The following NALCN variants were observed in gnomAD, a reference collection of about 807,000 sequenced individuals.
The protein encoded by NALCN is sodium leak channel NALCN.
NALCN carries 111 observed loss-of-function variants against 225.3 expected under a neutral mutation model. The ratio of observed to expected loss-of-function variants is 0.49; its 90% CI spans 0.42 to 0.58. The LOEUF (loss-of-function observed/expected upper bound fraction) is 0.58, where lower values mean the gene tolerates loss of function less well. Among genes scored for constraint, NALCN ranks in the 20% least tolerant of loss-of-function variants. NALCN has a pLI of 0.00. For missense variants in NALCN, 1,378 were observed against 2,202.4 expected (o/e 0.63, Z 7.49); for synonymous variants, 764 against 769.0 (o/e 0.99, Z 0.11).
chr13:101,263,848 A>C (rs917227177), intron 10 of NALCN, among the ~76,000 whole-genome samples: 10 of 152,222 alleles, frequency 6.6e-5, no homozygotes, highest in Admixed American at 6.5e-4. Flanking sequence ...CAGTAACTCC[A>C]GCTTTAAAGT....
intron 6 of NALCN, among the ~76,000 whole-genome samples, chr13:101,358,549 A>G (rs1311395406): frequency 6.6e-6 from 1 of 152,144 alleles, no homozygotes; most frequent in African/African-American, 2.4e-5. Context: ...GAAACAATAA[A>G]TGCTGGCGAG....
intron 17 of NALCN, among the ~76,000 whole-genome samples, chr13:101,140,878 C>T (rs1449646018): frequency 4.6e-5 from 7 of 152,098 alleles, no homozygotes; most frequent in South Asian, 4.2e-4. Context: ...GCACTATGGC[C>T]GTGCCTGTGA....
chr13:101,072,231 A>G (rs1034344155), intron 37 of NALCN, among the ~76,000 whole-genome samples: 1 of 152,258 alleles, frequency 6.6e-6, no homozygotes, highest in Non-Finnish European at 1.5e-5. Context: ...TGGCCCTGAT[A>G]GACCTGCTCC....
chr13:101,320,993 G>A (rs2044727425), intron 7 of NALCN, among the ~76,000 whole-genome samples: 1 of 152,070 alleles, frequency 6.6e-6, no homozygotes, highest in South Asian at 2.1e-4. Context: ...CATGGTATAG[G>A]TGACAATACC....
intron 17 of NALCN, among the ~76,000 whole-genome samples, chr13:101,128,553 G>A (rs1052322519): frequency 6.6e-6 from 1 of 151,526 alleles, no homozygotes; most frequent in African/African-American, 2.4e-5. Context: ...TTTGAGTCTG[G>A]ATTTTTTTTT....
At chr13:101,131,432 CAG>C (rs2139731149) in intron 17 of NALCN, among the ~76,000 whole-genome samples, 1 of 152,282 alleles carries the variant, frequency 6.6e-6, no homozygotes, top group East Asian at 1.9e-4. Flanking sequence ...CTTCTAACTT[CAG>C]AGTTTCCTCT....
At chr13:101,268,192 TCTCTGACTGCAGTGGGAGTGCAG>T (rs2042659508) in intron 10 of NALCN, among the ~76,000 whole-genome samples, 1 of 152,192 alleles carries the variant, frequency 6.6e-6, no homozygotes, top group African/African-American at 2.4e-5. Flanking sequence ...GTATATGCCA[TCTCTGACTGCAGTGGGAGTGCAG>T]CTTGCCCCAG....
intron 1 of NALCN, among the ~76,000 whole-genome samples, chr13:101,408,523 G>A (rs560755069): frequency 2.0e-5 from 3 of 152,280 alleles, no homozygotes; most frequent in South Asian, 2.1e-4. Flanking sequence ...GCATCACAGC[G>A]GCAATGCGTG....
At chr13:101,277,217 A>T (rs1373801336) in intron 10 of NALCN, among the ~76,000 whole-genome samples, 1 of 152,154 alleles carries the variant, frequency 6.6e-6, no homozygotes, top group African/African-American at 2.4e-5. Context: ...CTAATTACTT[A>T]TAGTAACTGG....
At chr13:101,326,504 C>T (rs1038905832) in intron 7 of NALCN, among the ~76,000 whole-genome samples, 1 of 152,166 alleles carries the variant, frequency 6.6e-6, no homozygotes, top group Admixed American at 6.5e-5. Context: ...ATGCTGATGA[C>T]ACAATCTAAT....
rs34229756 is a variant in NALCN, at chr13:101,074,692, C to CAGAG, written c.3955-34_3955-31dup. 361 of 1,444,566 alleles carry CAGAG rather than the reference C, an allele frequency of 2.5e-4. 1 individual carries two copies. Among genetic ancestry groups the CAGAG allele is most frequent in the South Asian group, 1.3e-3 (92 of 72,504 alleles). The allele number at this position is 1,444,566 out of a possible 1,614,324, so 89.5% of individuals were successfully genotyped here. A position where few individuals can be genotyped will look rare whatever the true frequency, so the allele number is the denominator to read the frequency against. On this transcript the variant is annotated intron_variant, in intron 35 of 43. Transcript: ENST00000251127. Reference sequence around the variant, plus strand: ...GGACCAGGGGTGGGAAGCGGGGAGACAGAGAGAGAGAGAGAGAGAGACAGA... The same window carrying CAGAG: ...GGACCAGGGGTGGGAAGCGGGGAGACAGAGAGAGAGAGAGAGAGAGAGAGACAGA...
Position 101,164,069 on chromosome 13 carries a change from C to T in NALCN, c.1839+12231G>A, listed in dbSNP as rs545929195. ...GTCATATTGAGTCCACCCTAATGAC[C>T]TCATCTTAACCTGATTGCATCTACA... On this transcript the variant is annotated intron_variant, in intron 15 of 43. Coordinates refer to ENST00000251127, the MANE Select transcript of NALCN (RefSeq NM_052867.4). Among the ~76,000 whole-genome samples the T allele has an allele frequency of 3.3e-5, 5 of 152,180 alleles. No individual in the cohort carries two copies. In the South Asian group the frequency reaches 8.3e-4, roughly 25 times the overall value.
intron 10 of NALCN, among the ~76,000 whole-genome samples, chr13:101,266,178 G>A (rs1241874593): frequency 2.6e-5 from 4 of 152,104 alleles, no homozygotes; most frequent in African/African-American, 9.7e-5. Flanking sequence ...TGGACACCGT[G>A]TGCTCTGTAA....
At chr13:101,108,979 T>C (rs1007462311) in intron 20 of NALCN, among the ~76,000 whole-genome samples, 14 of 152,198 alleles carry the variant, frequency 9.2e-5, no homozygotes, top group African/African-American at 3.4e-4. Context: ...TACTTCTACA[T>C]GAAAAATAGG....
chr13:101,127,023 T>A (rs2036266732), intron 17 of NALCN, among the ~76,000 whole-genome samples: 1 of 152,200 alleles, frequency 6.6e-6, no homozygotes, highest in South Asian at 2.1e-4. Flanking sequence ...AACTCTTATT[T>A]CATCTTGAAA....
intron 7 of NALCN, among the ~76,000 whole-genome samples, chr13:101,326,036 A>T (rs921139612): frequency 7.2e-5 from 11 of 152,202 alleles, no homozygotes; most frequent in Non-Finnish European, 1.5e-4. Flanking sequence ...GTTTCTGCCT[A>T]CAAGTTTCCT....
chr13:101,154,087 C>A (rs1259573926), intron 15 of NALCN, among the ~76,000 whole-genome samples: 1 of 152,160 alleles, frequency 6.6e-6, no homozygotes, highest in African/African-American at 2.4e-5. Context: ...GCAGTAAACA[C>A]GCGTGCTGGA....
Position 101,069,444 on chromosome 13 carries a change from A to G in NALCN, c.4198-617T>C, listed in dbSNP as rs184810731. Among the ~76,000 whole-genome samples, 4 of 152,342 alleles carry G rather than the reference A, an allele frequency of 2.6e-5. No individual in the cohort carries two copies. In the East Asian group the frequency reaches 7.7e-4, roughly 29 times the overall value. ...TTATTGCTAAGAAAAGCTAACAATC[A>G]TGTGAGCCTTCAGTGAGTTGTAATC... is the stretch of plus-strand genomic sequence containing the variant. On this transcript the variant is annotated intron_variant, in intron 37 of 43. Transcript: ENST00000251127.
At chr13:101,281,234 T>C (rs1015386093) in intron 10 of NALCN, among the ~76,000 whole-genome samples, 5 of 152,138 alleles carry the variant, frequency 3.3e-5, no homozygotes, top group African/African-American at 1.2e-4. Context: ...TATATTCTCA[T>C]TGCATCTTGC....
Sources: gnomAD v4.1 joint callset for allele counts (sites outside exome capture counted in the v4.1 genomes callset) on GRCh38, gnomAD v4.1.1 for gene constraint, MANE v1.5 for transcripts, NCBI Gene and HGNC (gene_info 2026-07-23, HGNC 2026-07-21) for gene names.